Variants in TMPRSS11A observed in about 807,000 individuals in gnomAD.
The protein encoded by TMPRSS11A is transmembrane serine protease 11A.
TMPRSS11A carries 53 observed loss-of-function variants against 58.9 expected under a neutral mutation model. That is an observed-to-expected ratio of 0.90 (90% CI 0.72 to 1.13). The LOEUF (loss-of-function observed/expected upper bound fraction) is 1.13, where lower values mean the gene tolerates loss of function less well. Among genes scored for constraint, TMPRSS11A ranks in the 50% most tolerant of loss-of-function variants. The pLI, the probability that TMPRSS11A is intolerant of heterozygous loss-of-function variation, is 0.00. For missense variants in TMPRSS11A, 493 were observed against 499.3 expected, an observed-to-expected ratio of 0.99 and a Z score of 0.12; for synonymous variants, 167 against 169.8, an observed-to-expected ratio of 0.98 and a Z score of 0.13.
intron 1 of TMPRSS11A, among the ~76,000 whole-genome samples, chr4:67,954,546 C>T (rs1419360717): frequency 6.6e-6 from 1 of 152,230 alleles, no homozygotes; most frequent in Non-Finnish European, 1.5e-5. Context: ...GCATTTAACT[C>T]CCTCTCACCT....
chr4:67,911,692 A>T (rs77085778), intron 9 of TMPRSS11A, among the ~76,000 whole-genome samples, 189 bp from the exon 10 acceptor site: 2,500 of 152,260 alleles, frequency 0.016, 67 homozygotes, highest in African/African-American at 0.055. Context: ...TCACATTTAA[A>T]AAATAAAATT....
chr4:67,915,812 C>G (rs934861538), intron 8 of TMPRSS11A, among the ~76,000 whole-genome samples: 1 of 152,138 alleles, frequency 6.6e-6, no homozygotes, highest in Non-Finnish European at 1.5e-5. Context: ...TTTGGTGAGA[C>G]CCTGAGAAGA....
At chr4:67,916,595 G>A (rs1445850401) in intron 8 of TMPRSS11A, among the ~76,000 whole-genome samples, 1 of 152,166 alleles carries the variant, frequency 6.6e-6, no homozygotes, top group Non-Finnish European at 1.5e-5. Flanking sequence ...GGGAGGCCGA[G>A]GCAGGTGGAT....
At chr4:67,921,710 T>C (rs950730750) in intron 7 of TMPRSS11A, among the ~76,000 whole-genome samples, 7 of 152,216 alleles carry the variant, frequency 4.6e-5, no homozygotes, top group Non-Finnish European at 1.0e-4. Context: ...GTTAGAATTT[T>C]ATAGGTCAAA....
At chr4:67,944,879 C>A (rs1720965371) in intron 2 of TMPRSS11A, among the ~76,000 whole-genome samples, 1 of 152,252 alleles carries the variant, frequency 6.6e-6, no homozygotes, top group East Asian at 1.9e-4. Flanking sequence ...ATCCCCACAC[C>A]AGCTCTCTAA....
intron 1 of TMPRSS11A, among the ~76,000 whole-genome samples, chr4:67,961,669 T>G (rs1041770105): frequency 2.0e-5 from 3 of 151,884 alleles, no homozygotes; most frequent in Admixed American, 1.3e-4. Context: ...TGCGCCACCA[T>G]GCCCGGCTAA....
At chr4:67,944,224 T>C (rs12642155) in intron 3 of TMPRSS11A, among the ~76,000 whole-genome samples, 100,556 of 151,910 alleles carry the variant, frequency 0.66, 37,191 homozygotes, top group Non-Finnish European at 0.83. Context: ...GGGGAAGAAA[T>C]GGGCTAGGAT....
At position 67,911,526 on chromosome 4, in the gene TMPRSS11A, A is replaced by C. The variant is rs776328214; in HGVS notation, c.1096-23T>G. ...ACCCTAAAAATAAAAACATAAGAAA[A>C]AAGAAAGAAAATTAGCTAAACATAA... On this transcript the variant is annotated intron_variant, in intron 9 of 9. Transcript: ENST00000508048. 3.2e-6 allele frequency: 5 copies of C among 1,585,664 alleles called. No individual in the cohort carries two copies. The South Asian group carries it at 5.7e-5, about 18-fold the overall frequency.
intron 5 of TMPRSS11A, 134 bp from the exon 6 acceptor site, chr4:67,924,300 G>T (rs747068696): frequency 2.6e-6 from 2 of 765,600 alleles, no homozygotes; most frequent in African/African-American, 1.7e-5. Context: ...TAGGAGAATG[G>T]CTATCTGATA....
intron 3 of TMPRSS11A, among the ~76,000 whole-genome samples, chr4:67,944,088 C>A (rs1490933864): frequency 6.6e-6 from 1 of 152,080 alleles, no homozygotes; most frequent in African/African-American, 2.4e-5. Context: ...AATATACTTA[C>A]AAGATGAACG....
Position 67,910,956 on chromosome 4 carries a change from A to C in TMPRSS11A, c.*386T>G, listed in dbSNP as rs1376336783. Reference sequence around the variant, plus strand: ...GCTCGAGAGAAATGTAGGGAATTATACAAGGGTTTCTTGAACACTTTGTGA... The same window carrying C: ...GCTCGAGAGAAATGTAGGGAATTATCCAAGGGTTTCTTGAACACTTTGTGA... On this transcript the variant is annotated 3_prime_UTR_variant, in exon 10 of 10. Coordinates refer to ENST00000508048, the MANE Select transcript of TMPRSS11A (RefSeq NM_001114387.2). 1 of 157,534 alleles carries C rather than the reference A, an allele frequency of 6.3e-6. No homozygotes were observed. Among genetic ancestry groups the C allele is most frequent in the Non-Finnish European group, 1.4e-5 (1 of 71,728 alleles). The allele number at this position is 157,534 out of a possible 1,614,324, so 9.8% of individuals were successfully genotyped here. A position where few individuals can be genotyped will look rare whatever the true frequency, so the allele number is the denominator to read the frequency against.
At chr4:67,930,119 C>G (rs1215052264) in intron 4 of TMPRSS11A, 79 bp from the exon 5 acceptor site, 10 of 1,311,668 alleles carry the variant, frequency 7.6e-6, no homozygotes, top group Non-Finnish European at 8.4e-6. Flanking sequence ...ATCTTCCTCC[C>G]CTGAATGATC....
intron 7 of TMPRSS11A, among the ~76,000 whole-genome samples, chr4:67,920,786 C>T (rs745882562): frequency 6.6e-6 from 1 of 151,718 alleles, no homozygotes; most frequent in African/African-American, 2.4e-5. Flanking sequence ...TAGCACTCTT[C>T]GGTATAGCAA....
At chr4:67,956,999 G>A (rs552738740) in intron 1 of TMPRSS11A, among the ~76,000 whole-genome samples, 1 of 152,132 alleles carries the variant, frequency 6.6e-6, no homozygotes, top group Non-Finnish European at 1.5e-5. Context: ...GGTTTTATGA[G>A]GGGGAGTTTC....
chr4:67,918,991 C>T lies in TMPRSS11A; in HGVS notation c.934G>A (p.Gly312Arg), dbSNP rs1254400606. Residue 312 changes from glycine (G) to arginine (R), a missense_variant, in exon 8 of 10, where the codon GGA becomes AGA. Coordinates refer to ENST00000508048, the MANE Select transcript of TMPRSS11A (RefSeq NM_001114387.2). ...PNLTVHITGF[G>R]ALYYGGESQN... Reference sequence around the variant, plus strand: ...TACCCACCACCATAGTAAAGTGCTCCAAATCCTGTGATGTGGACAGTCAAA... The same window carrying T: ...TACCCACCACCATAGTAAAGTGCTCTAAATCCTGTGATGTGGACAGTCAAA... 2 of 1,614,028 alleles carry T rather than the reference C, an allele frequency of 1.2e-6. No individual in the cohort carries two copies. Among genetic ancestry groups the T allele is most frequent in the Non-Finnish European group, 1.7e-6 (2 of 1,180,028 alleles).
intron 1 of TMPRSS11A, among the ~76,000 whole-genome samples, chr4:67,948,157 T>C (rs1721072725): frequency 7.0e-6 from 1 of 143,340 alleles, no homozygotes. Context: ...CTTTTTTTTT[T>C]TTTTTTTTTT....
At chr4:67,913,926 C>T (rs1302315786) in intron 9 of TMPRSS11A, among the ~76,000 whole-genome samples, 3 of 152,294 alleles carry the variant, frequency 2.0e-5, no homozygotes, top group South Asian at 2.1e-4. Flanking sequence ...AACGTACCTT[C>T]GCTGGAAAAC....
At chr4:67,941,711 C>G (rs1268881416) in intron 3 of TMPRSS11A, among the ~76,000 whole-genome samples, 1 of 152,074 alleles carries the variant, frequency 6.6e-6, no homozygotes, top group Non-Finnish European at 1.5e-5. Context: ...ACTGAATCTA[C>G]CTAACACATC....
At chr4:67,936,198 A>T (rs1720747938) in intron 3 of TMPRSS11A, among the ~76,000 whole-genome samples, 1 of 152,194 alleles carries the variant, frequency 6.6e-6, no homozygotes. Context: ...AGCAGTTTGT[A>T]AGAGGATCAG....
Sources: allele counts gnomAD v4.1 joint callset (sites outside exome capture counted in the v4.1 genomes callset), GRCh38; gene constraint gnomAD v4.1.1; transcripts MANE v1.5; gene names NCBI Gene and HGNC (gene_info 2026-07-23, HGNC 2026-07-21).